Variants in TMEM243 observed in about 807,000 individuals in gnomAD.
TMEM243 encodes the protein transmembrane protein 243.
Under a neutral mutation model 15.0 loss-of-function variants are expected in TMEM243, and 20 were observed. The ratio of observed to expected loss-of-function variants is 1.33; its 90% CI spans 0.94 to 1.93. The LOEUF (loss-of-function observed/expected upper bound fraction) is 1.93. Among genes scored for constraint, TMEM243 ranks in the 30% most tolerant of loss-of-function variants. The pLI is 0.00. For missense variants in TMEM243, 156 were observed against 142.1 expected (o/e 1.10, Z -0.50); for synonymous variants, 72 against 52.7 (o/e 1.37, Z -1.59).
chr7:87,197,710 TTTTTTTAA>T, intron 3 of TMEM243: 1 of 1,060,430 alleles, frequency 9.4e-7, no homozygotes, highest in Non-Finnish European at 1.1e-6. Context: ...TTTTTTTTTT[TTTTTTTAA>T]GCTATCAAGG....
intron 1 of TMEM243, among the ~76,000 whole-genome samples, chr7:87,216,277 A>C (rs1423400458): frequency 1.7e-5 from 2 of 119,656 alleles, no homozygotes; most frequent in African/African-American, 6.6e-5. Flanking sequence ...CCGTCTCAAA[A>C]AAAAAAAAAA....
rs973941096 is a variant in TMEM243 at position 87,201,133 on chromosome 7, C to T, written c.79-2076G>A. 3.3e-5 allele frequency among the ~76,000 whole-genome samples: 5 copies of T among 152,138 alleles called. 1 individual carries two copies. The South Asian group carries it at 6.2e-4, about 19-fold the overall frequency. The stretch of plus-strand genomic sequence containing the variant: ...AATGTAGTGGTCCCCTCTGGGATTC[C>T]CAAGATGGGATGAACTATTTCGGAC... On this transcript the variant is annotated intron_variant, in intron 1 of 3. Transcript: ENST00000257637.
At chr7:87,219,819 G>A (rs1803381112), upstream of TMEM243, 1 of 383,174 alleles carries the variant, frequency 2.6e-6, no homozygotes, top group Non-Finnish European at 4.7e-6. Context: ...AGCCCTTGGC[G>A]CCGCGTGGCT....
Position 87,199,016 on chromosome 7 carries a change from T to TA in TMEM243, c.119dup (p.Leu40PhefsTer33). On this transcript the variant is annotated frameshift_variant, in exon 2 of 4. Transcript: ENST00000257637. LOFTEE classifies it high-confidence loss of function. Reference sequence around the variant, plus strand: ...AAATGAGGATACTTACTAGAATCAATAAGGATGTTAAGCTGCCAACAACTA... The same window carrying TA: ...AAATGAGGATACTTACTAGAATCAATAAAGGATGTTAAGCTGCCAACAACTA... 1 of 1,603,102 alleles carries TA rather than the reference T, an allele frequency of 6.2e-7. No homozygotes were observed. Among genetic ancestry groups the TA allele is most frequent in the Non-Finnish European group, 8.5e-7 (1 of 1,176,552 alleles).
intron 3 of TMEM243, among the ~76,000 whole-genome samples, chr7:87,197,053 T>C (rs1350849759): frequency 6.6e-6 from 1 of 152,092 alleles, no homozygotes; most frequent in African/African-American, 2.4e-5. Context: ...GGCATACTAC[T>C]TAACAGGAAA....
At chr7:87,208,488 G>A (rs1802386723) in intron 1 of TMEM243, among the ~76,000 whole-genome samples, 1 of 152,172 alleles carries the variant, frequency 6.6e-6, no homozygotes, top group African/African-American at 2.4e-5. Context: ...GCTTTTCAGG[G>A]TACAATTCTG....
chr7:87,209,847 AGAGC>A (rs757221992), intron 1 of TMEM243, among the ~76,000 whole-genome samples: 1,808 of 143,216 alleles, frequency 0.013, 32 homozygotes, highest in Non-Finnish European at 0.017. Context: ...AGAGACAGTG[AGAGC>A]GAGAGAGAGA....
At chr7:87,197,713 T>TATC in intron 3 of TMEM243, 1 of 625,700 alleles carries the variant, frequency 1.6e-6, no homozygotes, top group Non-Finnish European at 2.0e-6. Flanking sequence ...TTTTTTTTTT[T>TATC]TTTAAGCTAT....
At chr7:87,220,310 AG>A (rs1803435964), upstream of TMEM243, 1 of 152,374 alleles carries the variant, frequency 6.6e-6, no homozygotes, top group Non-Finnish European at 1.5e-5. Flanking sequence ...GCACAGCGAG[AG>A]GGAGAATCCC....
intron 1 of TMEM243, chr7:87,218,780 T>C (rs1187878440): frequency 6.6e-6 from 1 of 152,264 alleles, no homozygotes; most frequent in Admixed American, 6.5e-5. Context: ...AGAAAGTTAA[T>C]GCTGACGATA....
chr7:87,202,112 A>T (rs955857251), intron 1 of TMEM243, among the ~76,000 whole-genome samples: 2 of 152,216 alleles, frequency 1.3e-5, no homozygotes, highest in Admixed American at 1.3e-4. Context: ...ATATTTATGC[A>T]TTTAAACATT....
At position 87,196,620 on chromosome 7, in the gene TMEM243, C is replaced by T. The variant is rs1415157983; in HGVS notation, c.*16G>A. ...TCATTTTGAAGAGTCCTGGTAAGTACTTCTCCTTGGCAGCCTCACCTTCCC... is the reference window on the plus strand; with the variant it reads ...TCATTTTGAAGAGTCCTGGTAAGTATTTCTCCTTGGCAGCCTCACCTTCCC... On this transcript the variant is annotated 3_prime_UTR_variant, in exon 4 of 4. Coordinates refer to ENST00000257637, the MANE Select transcript of TMEM243 (RefSeq NM_024315.4). 1 of 1,607,012 alleles carries T rather than the reference C, an allele frequency of 6.2e-7. No individual in the cohort carries two copies. Among genetic ancestry groups the T allele is most frequent in the African/African-American group, 1.3e-5 (1 of 74,404 alleles).
intron 1 of TMEM243, 35 bp downstream of exon 1, chr7:87,219,391 C>A: frequency 6.2e-7 from 1 of 1,605,042 alleles, no homozygotes; most frequent in South Asian, 1.1e-5. Context: ...CAGACACACC[C>A]CCCATCCCAG....
chr7:87,219,487 G>A lies in TMEM243; in HGVS notation c.17C>T (p.Thr6Ile). Residue 6 changes from threonine (T) to isoleucine (I), a missense_variant, in exon 1 of 4, where the codon ACC becomes ATC. Physicochemically the swap from Thr to Ile is moderately conservative, Grantham distance 89. Coordinates refer to ENST00000257637, the MANE Select transcript of TMEM243 (RefSeq NM_024315.4). MEDFA[T>I]RTYGTSGLDN... is the part of the protein sequence containing the mutation. ...CAGGCCACTGGTGCCGTAGGTCCTG[G>A]TAGCAAAGTCCTCCATTTTGGGGTT... 7.4e-6 allele frequency: 12 copies of A among 1,614,244 alleles called. No homozygotes were observed. Among genetic ancestry groups the A allele is most frequent in the South Asian group, 2.2e-5 (2 of 91,088 alleles).
chr7:87,207,657 C>A (rs954422986), intron 1 of TMEM243, among the ~76,000 whole-genome samples: 1 of 152,216 alleles, frequency 6.6e-6, no homozygotes, highest in Admixed American at 6.5e-5. Flanking sequence ...TTCCCTACTA[C>A]ATTCTTGAGG....
intron 1 of TMEM243, 34 bp from the exon 2 acceptor site, chr7:87,199,091 T>C: frequency 6.3e-7 from 1 of 1,576,712 alleles, no homozygotes; most frequent in Non-Finnish European, 8.6e-7. Context: ...GCCATATGAC[T>C]TGGATCCATG....
chr7:87,197,718 A>G (rs1481190201), intron 3 of TMEM243: 11 of 151,652 alleles, frequency 7.3e-5, no homozygotes, highest in African/African-American at 1.6e-4. Context: ...TTTTTTTTTA[A>G]GCTATCAAGG....
chr7:87,204,528 C>T (rs944150633), intron 1 of TMEM243, among the ~76,000 whole-genome samples: 3 of 152,232 alleles, frequency 2.0e-5, no homozygotes, highest in Non-Finnish European at 4.4e-5. Context: ...TAAATACACA[C>T]ATTCCAAATC....
At chr7:87,210,525 C>T (rs1802670379) in intron 1 of TMEM243, among the ~76,000 whole-genome samples, 1 of 152,220 alleles carries the variant, frequency 6.6e-6, no homozygotes, top group African/African-American at 2.4e-5. Flanking sequence ...CAGACCCATT[C>T]CAAAAGGGAG....
Sources: allele counts gnomAD v4.1 joint callset (sites outside exome capture counted in the v4.1 genomes callset), GRCh38; gene constraint gnomAD v4.1.1; transcripts MANE v1.5; gene names NCBI Gene and HGNC (gene_info 2026-07-23, HGNC 2026-07-21).